Variants in SPAG6 observed in about 807,000 individuals in gnomAD.
SPAG6 encodes sperm-associated antigen 6.
Under a neutral mutation model 58.5 loss-of-function variants are expected in SPAG6, and 49 were observed. The observed-to-expected ratio is 0.84, with a 90% confidence interval of 0.67 to 1.06. The LOEUF is 1.06. SPAG6 is among the 50% of genes least tolerant of loss of function. The pLI is 0.00. For synonymous variants in SPAG6, 233 were observed against 225.6 expected (o/e 1.03, Z -0.29); for missense variants, 560 against 611.3 (o/e 0.92, Z 0.89).
chr10:22,379,619 T>C (rs1481900080), intron 4 of SPAG6, among the ~76,000 whole-genome samples: 1 of 152,172 alleles, frequency 6.6e-6, no homozygotes, highest in Non-Finnish European at 1.5e-5. Flanking sequence ...GACTTCTTGA[T>C]TGTAGCCTAG....
intron 7 of SPAG6, among the ~76,000 whole-genome samples, chr10:22,391,526 C>T (rs969718781): frequency 5.3e-5 from 8 of 152,082 alleles, no homozygotes; most frequent in Non-Finnish European, 1.0e-4. Flanking sequence ...TTAGTTGAAT[C>T]GTTACCGATA....
chr10:22,349,567 C>G (rs1836661625), intron 2 of SPAG6, among the ~76,000 whole-genome samples: 1 of 152,166 alleles, frequency 6.6e-6, no homozygotes, highest in Non-Finnish European at 1.5e-5. Flanking sequence ...TTGAAATACA[C>G]TAATAGAAGC....
intron 3 of SPAG6, among the ~76,000 whole-genome samples, chr10:22,367,356 T>C (rs1837228334): frequency 6.6e-6 from 1 of 152,248 alleles, no homozygotes; most frequent in Middle Eastern, 3.4e-3. Flanking sequence ...AAAGAAAATA[T>C]GTCAAATCAA....
chr10:22,386,178 G>C (rs1227127286), intron 4 of SPAG6, among the ~76,000 whole-genome samples: 1 of 151,994 alleles, frequency 6.6e-6, no homozygotes, highest in African/African-American at 2.4e-5. Context: ...TTAGTAGTAG[G>C]TCTCATTTTT....
chr10:22,385,174 T>C (rs1163305001), intron 4 of SPAG6, among the ~76,000 whole-genome samples: 5 of 152,156 alleles, frequency 3.3e-5, no homozygotes, highest in Non-Finnish European at 7.4e-5. Context: ...ATATGTAATA[T>C]AACATTTTAT....
intron 4 of SPAG6, among the ~76,000 whole-genome samples, chr10:22,382,882 G>A (rs1451238207): frequency 6.6e-6 from 1 of 152,074 alleles, no homozygotes; most frequent in African/African-American, 2.4e-5. Flanking sequence ...GGCAAACAGA[G>A]AAAAAAGATA....
At chr10:22,356,630 A>G (rs1332664658) in intron 2 of SPAG6, among the ~76,000 whole-genome samples, 3 of 152,238 alleles carry the variant, frequency 2.0e-5, no homozygotes, top group Non-Finnish European at 2.9e-5. Flanking sequence ...ACAGTGGGCA[A>G]CAACTATACA....
chr10:22,401,874 T>C (rs1488260796), intron 9 of SPAG6, among the ~76,000 whole-genome samples: 2 of 152,178 alleles, frequency 1.3e-5, no homozygotes, highest in African/African-American at 4.8e-5. Flanking sequence ...TAAAAGAGAA[T>C]GACTCTGTTA....
chr10:22,383,050 A>G (rs1308504229), intron 4 of SPAG6, among the ~76,000 whole-genome samples: 2 of 152,222 alleles, frequency 1.3e-5, no homozygotes, highest in Non-Finnish European at 2.9e-5. Flanking sequence ...GTGTAATGGA[A>G]GATATATTAT....
At chr10:22,387,706 A>AT in intron 5 of SPAG6, 117 bp from the exon 6 acceptor site, 2 of 977,212 alleles carry the variant, frequency 2.0e-6, no homozygotes, top group Non-Finnish European at 2.8e-6. Flanking sequence ...AGGCATGTAC[A>AT]TTTTTTTCCT....
chr10:22,387,287 T>A (rs1305622472), intron 5 of SPAG6, among the ~76,000 whole-genome samples: 2 of 152,188 alleles, frequency 1.3e-5, no homozygotes. Context: ...TTGTTTCTTA[T>A]GGAAATTGCA....
intron 10 of SPAG6, chr10:22,412,467 G>T: frequency 1.3e-6 from 2 of 1,530,936 alleles, no homozygotes; most frequent in South Asian, 2.4e-5. Context: ...AGAGTTGCAA[G>T]TTTGTGCACT....
At chr10:22,406,709 C>T (rs1012442766) in intron 9 of SPAG6, among the ~76,000 whole-genome samples, 1 of 152,082 alleles carries the variant, frequency 6.6e-6, no homozygotes, top group Non-Finnish European at 1.5e-5. Flanking sequence ...CTTTCTGTCT[C>T]GTTGATCTGT....
At chr10:22,367,378 C>G (rs922555234) in intron 3 of SPAG6, among the ~76,000 whole-genome samples, 1 of 152,022 alleles carries the variant, frequency 6.6e-6, no homozygotes, top group African/African-American at 2.4e-5. Flanking sequence ...AACATCAGTA[C>G]TAATATAGCA....
intron 8 of SPAG6, among the ~76,000 whole-genome samples, chr10:22,395,535 A>G (rs1239546071): frequency 6.6e-6 from 1 of 152,216 alleles, no homozygotes; most frequent in Non-Finnish European, 1.5e-5. Context: ...TTCTTTAGAG[A>G]GATGTCTATT....
intron 10 of SPAG6, among the ~76,000 whole-genome samples, chr10:22,411,840 C>CTTTTTTTTTTTTTTTTTTTTT (rs546172800): frequency 3.0e-5 from 2 of 66,750 alleles, no homozygotes; most frequent in African/African-American, 1.2e-4. Flanking sequence ...ACAACTGAAT[C>CTTTTTTTTTTTTTTTTTTTTT]TTTTTTTTTT....
chr10:22,362,835 G>A (rs893733719), intron 2 of SPAG6, among the ~76,000 whole-genome samples: 2 of 151,984 alleles, frequency 1.3e-5, no homozygotes, highest in Non-Finnish European at 2.9e-5. Flanking sequence ...ACAGGGCTTG[G>A]CCTGACATTT....
intron 2 of SPAG6, among the ~76,000 whole-genome samples, chr10:22,350,749 T>C (rs1836703815): frequency 6.6e-6 from 1 of 152,212 alleles, no homozygotes; most frequent in Admixed American, 6.5e-5. Flanking sequence ...TGGTTTATGG[T>C]ACCCTTGCTC....
At chr10:22,352,515 A>G (rs537093718) in intron 2 of SPAG6, among the ~76,000 whole-genome samples, 1 of 152,246 alleles carries the variant, frequency 6.6e-6, no homozygotes, top group South Asian at 2.1e-4. Flanking sequence ...TTCAACAAAT[A>G]TTTATTTGTT....
Sources: allele counts gnomAD v4.1 joint callset (sites outside exome capture counted in the v4.1 genomes callset), GRCh38; gene constraint gnomAD v4.1.1; transcripts MANE v1.5; gene names NCBI Gene and HGNC (gene_info 2026-07-23, HGNC 2026-07-21).